Variants in STAG1 observed in about 807,000 individuals in gnomAD.
STAG1 encodes cohesin subunit SA-1.
In STAG1, 26 loss-of-function variants were observed where a neutral mutation model predicts 170.9. The ratio of observed to expected loss-of-function variants is 0.15; its 90% CI spans 0.11 to 0.21. The LOEUF (loss-of-function observed/expected upper bound fraction) is 0.21. STAG1 is among the 10% of genes least tolerant of loss of function. The pLI, the probability that STAG1 is intolerant of heterozygous loss-of-function variation, is 1.00. For synonymous variants in STAG1, 514 were observed against 497.7 expected (o/e 1.03, Z -0.44); for missense variants, 964 against 1,509.5 (o/e 0.64, Z 5.99).
intron 16 of STAG1, among the ~76,000 whole-genome samples, chr3:136,432,961 A>G (rs1189178556): frequency 6.6e-6 from 1 of 152,108 alleles, no homozygotes; most frequent in African/African-American, 2.4e-5. Context: ...TCAGGAAAAA[A>G]TATTTCCCAA....
At chr3:136,374,499 T>C (rs113608462) in intron 23 of STAG1, among the ~76,000 whole-genome samples, 177 of 151,878 alleles carry the variant, frequency 1.2e-3, no homozygotes, top group African/African-American at 2.5e-3. Flanking sequence ...CGCCTGTAAT[T>C]CCAGCTACTA....
chr3:136,541,538 T>TCACACACACACACACACTCA (rs34969907), intron 6 of STAG1, among the ~76,000 whole-genome samples: 1,268 of 123,206 alleles, frequency 0.01, 26 homozygotes, highest in South Asian at 0.025. Context: ...AGCTTAACAT[T>TCACACACACACACACACTCA]CACACACACA....
intron 20 of STAG1, among the ~76,000 whole-genome samples, chr3:136,420,139 C>T (rs1457152581): frequency 3.4e-5 from 5 of 149,160 alleles, no homozygotes; most frequent in Non-Finnish European, 3.0e-5. Flanking sequence ...CCCAGCTACT[C>T]GAGAGGCTAA....
At chr3:136,645,350 T>C (rs1940967927) in intron 1 of STAG1, among the ~76,000 whole-genome samples, 1 of 152,178 alleles carries the variant, frequency 6.6e-6, no homozygotes, top group South Asian at 2.1e-4. Flanking sequence ...ACCTGCTTCC[T>C]TTCTTCCCCA....
chr3:136,380,344 C>T (rs1937884158), intron 22 of STAG1, among the ~76,000 whole-genome samples: 1 of 151,906 alleles, frequency 6.6e-6, no homozygotes, highest in South Asian at 2.1e-4. Context: ...CGGGTTCAAG[C>T]AATTCTGCTG....
In STAG1 at chr3:136,371,968, T is replaced by C. The variant is rs1252307574; in HGVS notation, c.2371-2686A>G. Among the ~76,000 whole-genome samples the C allele has an allele frequency of 3.3e-5, 5 of 152,234 alleles. No individual in the cohort carries two copies. The South Asian group carries it at 6.2e-4, about 19-fold the overall frequency. ...GGGCAGTACGGCCATTTTCACGATA[T>C]TGATTCTTCCTACCCATGAGCATGG... On this transcript the variant is annotated intron_variant, in intron 23 of 33. Coordinates refer to ENST00000383202, the MANE Select transcript of STAG1 (RefSeq NM_005862.3).
At position 136,597,258 on chromosome 3, in the gene STAG1, T is replaced by C. The variant is rs143304740; in HGVS notation, c.297+7051A>G. On this transcript the variant is annotated intron_variant, in intron 4 of 33. Coordinates refer to ENST00000383202, the MANE Select transcript of STAG1 (RefSeq NM_005862.3). ...TGTATCCAGAGGTTATATCTAAGAATTGAATTGGTTTTCTTTAATGTTATA... is the reference window on the plus strand; with the variant it reads ...TGTATCCAGAGGTTATATCTAAGAACTGAATTGGTTTTCTTTAATGTTATA... Among the ~76,000 whole-genome samples, 564 of 152,280 alleles carry C rather than the reference T, an allele frequency of 3.7e-3. 3 individuals are homozygous for C. The highest frequency in any genetic ancestry group is 0.013 in the African/African-American group (536 of 41,572).
At chr3:136,597,412 C>A (rs1938478868) in intron 4 of STAG1, among the ~76,000 whole-genome samples, 1 of 152,174 alleles carries the variant, frequency 6.6e-6, no homozygotes, top group Non-Finnish European at 1.5e-5. Context: ...AATCTGTACA[C>A]AGATCTGTAC....
chr3:136,525,744 T>C (rs1934980632), intron 6 of STAG1, among the ~76,000 whole-genome samples: 1 of 152,370 alleles, frequency 6.6e-6, no homozygotes, highest in East Asian at 1.9e-4. Flanking sequence ...GTGCTATAAA[T>C]TTCCCTCTAC....
chr3:136,414,259 CCTT>C (rs1283166071), intron 21 of STAG1, among the ~76,000 whole-genome samples: 7 of 152,230 alleles, frequency 4.6e-5, no homozygotes, highest in South Asian at 2.1e-4. Flanking sequence ...TCTCCACAGA[CCTT>C]CTTTCAAAAC....
At chr3:136,547,311 T>G (rs1194963224) in intron 5 of STAG1, among the ~76,000 whole-genome samples, 2 of 152,198 alleles carry the variant, frequency 1.3e-5, no homozygotes, top group African/African-American at 4.8e-5. Flanking sequence ...CCATACTTTA[T>G]GCAGACTTCC....
chr3:136,548,866 T>G (rs917955757), intron 5 of STAG1, among the ~76,000 whole-genome samples: 2 of 152,146 alleles, frequency 1.3e-5, no homozygotes, highest in African/African-American at 4.8e-5. Context: ...GTTTTCATGA[T>G]AGTAGGTGAA....
intron 4 of STAG1, among the ~76,000 whole-genome samples, chr3:136,584,803 TC>T (rs1397708956): frequency 6.6e-6 from 1 of 152,172 alleles, no homozygotes; most frequent in Non-Finnish European, 1.5e-5. Context: ...CCTCTCTGCA[TC>T]CAGTTAGGAG....
chr3:136,576,863 G>A (rs936456555), intron 4 of STAG1, among the ~76,000 whole-genome samples: 3 of 152,170 alleles, frequency 2.0e-5, no homozygotes, highest in African/African-American at 7.2e-5. Context: ...CAGAGAATTC[G>A]TATTCTATAC....
chr3:136,434,994 T>C (rs1435387017), intron 15 of STAG1, among the ~76,000 whole-genome samples: 2 of 152,220 alleles, frequency 1.3e-5, no homozygotes, highest in African/African-American at 4.8e-5. Context: ...TTTTTAAACA[T>C]GGTTCAGGCA....
Position 136,495,769 on chromosome 3 carries a change from C to T in STAG1, c.902+4454G>A, listed in dbSNP as rs141558664. ...GGCTCGTGAGGTCAAGAGATCAAGA[C>T]CATCCTGGATAACACGGTGAAACCC... On this transcript the variant is annotated intron_variant, in intron 9 of 33. Coordinates refer to ENST00000383202, the MANE Select transcript of STAG1 (RefSeq NM_005862.3). Among the ~76,000 whole-genome samples, 289 of 150,924 alleles carry T rather than the reference C, an allele frequency of 1.9e-3. 8 individuals carry two copies. The East Asian group carries it at 0.048, about 25-fold the overall frequency.
At chr3:136,507,922 T>C (rs1933852196) in intron 7 of STAG1, among the ~76,000 whole-genome samples, 1 of 152,104 alleles carries the variant, frequency 6.6e-6, no homozygotes, top group Non-Finnish European at 1.5e-5. Context: ...GCTGTGTCTT[T>C]CCAAAGAAAA....
At chr3:136,384,732 C>T (rs1303098009) in intron 22 of STAG1, among the ~76,000 whole-genome samples, 1 of 150,784 alleles carries the variant, frequency 6.6e-6, no homozygotes, top group Non-Finnish European at 1.5e-5. Flanking sequence ...TACGCCACTG[C>T]ACTCTAGCCT....
intron 15 of STAG1, among the ~76,000 whole-genome samples, chr3:136,436,514 T>C (rs990447622): frequency 1.3e-5 from 2 of 152,088 alleles, no homozygotes; most frequent in Non-Finnish European, 2.9e-5. Flanking sequence ...ACTCCTGAGC[T>C]CAAGTGATCC....
Sources: gnomAD v4.1 joint callset for allele counts (sites outside exome capture counted in the v4.1 genomes callset) on GRCh38, gnomAD v4.1.1 for gene constraint, MANE v1.5 for transcripts, NCBI Gene and HGNC (gene_info 2026-07-23, HGNC 2026-07-21) for gene names.